Variants in ASTN2 observed in about 807,000 individuals in gnomAD.
ASTN2 encodes astrotactin-2.
ASTN2 carries 54 observed loss-of-function variants against 139.8 expected under a neutral mutation model. The ratio of observed to expected loss-of-function variants is 0.39; its 90% confidence interval spans 0.31 to 0.48. The LOEUF is 0.48. ASTN2 is among the 20% of genes least tolerant of loss of function. The pLI is 0.95. For synonymous variants in ASTN2, 756 were observed against 719.5 expected, an observed-to-expected ratio of 1.05 and a Z score of -0.81; for missense variants, 1,565 against 1,725.1, an observed-to-expected ratio of 0.91 and a Z score of 1.64.
chr9:116,954,654 C>A (rs1554764830), intron 10 of ASTN2, among the ~76,000 whole-genome samples: 1 of 129,458 alleles, frequency 7.7e-6, no homozygotes, highest in Non-Finnish European at 1.8e-5. Context: ...TCCAATAAAA[C>A]TTTATTTATT....
intron 19 of ASTN2, among the ~76,000 whole-genome samples, chr9:116,513,096 T>A (rs1850474704): frequency 6.6e-6 from 1 of 152,188 alleles, no homozygotes; most frequent in South Asian, 2.1e-4. Flanking sequence ...TTCCTAGCAT[T>A]GATGGTCTTT....
At chr9:117,038,670 T>C (rs1838464417) in intron 6 of ASTN2, among the ~76,000 whole-genome samples, 1 of 152,224 alleles carries the variant, frequency 6.6e-6, no homozygotes, top group Non-Finnish European at 1.5e-5. Flanking sequence ...TTTATTAAGT[T>C]GCACAGTTAA....
At chr9:117,167,140 G>T (rs1830687079) in intron 3 of ASTN2, among the ~76,000 whole-genome samples, 1 of 151,958 alleles carries the variant, frequency 6.6e-6, no homozygotes, top group African/African-American at 2.4e-5. Context: ...AATGGGATCT[G>T]AAAAAAACCT....
At chr9:117,410,559 T>G (rs1340449764) in intron 1 of ASTN2, among the ~76,000 whole-genome samples, 4 of 152,222 alleles carry the variant, frequency 2.6e-5, no homozygotes, top group Admixed American at 2.0e-4. Flanking sequence ...ATTGAAGCTC[T>G]GGGGGATAAA....
At chr9:117,314,022 T>C (rs1330982574) in intron 1 of ASTN2, among the ~76,000 whole-genome samples, 1 of 152,164 alleles carries the variant, frequency 6.6e-6, no homozygotes, top group Non-Finnish European at 1.5e-5. Context: ...ATGTATCTTT[T>C]CCCTAACTAA....
In ASTN2 at chr9:117,061,408, AT is replaced by A. The variant is rs907386853; in HGVS notation, c.1277-21444del. ...ATTAATGTTGCTCTTTTTTTCCTCCATTTTTTTTAATGGAAAGATATGCCTT... is the reference window on the plus strand; with the variant it reads ...ATTAATGTTGCTCTTTTTTTCCTCCATTTTTTTAATGGAAAGATATGCCTT... On this transcript the variant is annotated intron_variant, in intron 5 of 22. Coordinates refer to ENST00000313400, the MANE Select transcript of ASTN2 (RefSeq NM_001365068.1). 4.2e-3 allele frequency among the ~76,000 whole-genome samples: 635 copies of A among 151,562 alleles called. 7 individuals carry two copies. Among genetic ancestry groups the A allele is most frequent in the African/African-American group, 0.014 (591 of 41,342 alleles).
intron 10 of ASTN2, among the ~76,000 whole-genome samples, chr9:116,946,568 A>G (rs1393254576): frequency 1.3e-5 from 2 of 152,172 alleles, no homozygotes; most frequent in Non-Finnish European, 2.9e-5. Context: ...TAGAGCTGAG[A>G]TAAAGAATGA....
At position 116,884,803 on chromosome 9, in the gene ASTN2, G is replaced by GCCCTC. The variant is rs1554756734; in HGVS notation, c.1890-21071_1890-21070insGAGGG. On this transcript the variant is annotated intron_variant, in intron 10 of 22. Coordinates refer to ENST00000313400, the MANE Select transcript of ASTN2 (RefSeq NM_001365068.1). ...TGTGCATGTCAATCTCCAAATATCC[G>GCCCTC]CCCCCCCCCCACCCACTTTTTTTTT... 2.5e-3 allele frequency among the ~76,000 whole-genome samples: 175 copies of GCCCTC among 69,616 alleles called. 4 individuals are homozygous for GCCCTC. The highest frequency in any genetic ancestry group is 0.011 in the East Asian group (23 of 2,176). 45.7% of individuals were successfully genotyped at this position (69,616 alleles called of 152,430 possible). A position where few individuals can be genotyped will look rare whatever the true frequency, so the allele number is the denominator to read the frequency against.
intron 4 of ASTN2, among the ~76,000 whole-genome samples, chr9:117,136,636 A>G (rs1829957668): frequency 1.3e-5 from 2 of 152,164 alleles, no homozygotes; most frequent in Non-Finnish European, 2.9e-5. Context: ...AGGGTAGAGC[A>G]TGCATTTATC....
chr9:117,248,581 A>G (rs1310078378), intron 2 of ASTN2, among the ~76,000 whole-genome samples: 1 of 152,204 alleles, frequency 6.6e-6, no homozygotes, highest in Non-Finnish European at 1.5e-5. Flanking sequence ...GTAACTTTCC[A>G]AATGTGTGCT....
chr9:116,851,229 G>A (rs1452565443), intron 11 of ASTN2, among the ~76,000 whole-genome samples: 3 of 152,038 alleles, frequency 2.0e-5, no homozygotes, highest in Non-Finnish European at 4.4e-5. Flanking sequence ...TGGGAAAACT[G>A]TAAAAAAAAC....
At chr9:117,107,896 T>C (rs1355061839) in intron 4 of ASTN2, among the ~76,000 whole-genome samples, 1 of 152,236 alleles carries the variant, frequency 6.6e-6, no homozygotes, top group Admixed American at 6.5e-5. Context: ...TCTCAAGATG[T>C]ACTTTTTTGG....
chr9:116,962,910 T>C (rs975118539), intron 10 of ASTN2, among the ~76,000 whole-genome samples: 3 of 152,152 alleles, frequency 2.0e-5, no homozygotes, highest in Admixed American at 1.3e-4. Flanking sequence ...TATCAAAACA[T>C]CTTCGTGAAC....
At position 117,039,820 on chromosome 9, in the gene ASTN2, A is replaced by G. The variant is rs758623070; in HGVS notation, c.1422T>C (p.Asp474=). The change falls in exon 6 of 23, where the codon GAT becomes GAC. Residue 474 remains aspartate, a splice_region_variant and synonymous_variant. Coordinates refer to ENST00000313400, the MANE Select transcript of ASTN2 (RefSeq NM_001365068.1). ...GCATCTGCAATGCTCGGCTCTTACC[A>G]TCTGCTATGAAGTGCTCGGGCACAT... The part of the protein sequence containing the change: ...TLHVPEHFIA[D]GSSFVVSEGS... The G allele has an allele frequency of 6.2e-7, 1 of 1,612,820 alleles. No individual in the cohort carries two copies. Among genetic ancestry groups the G allele is most frequent in the Non-Finnish European group, 8.5e-7 (1 of 1,179,490 alleles).
chr9:117,010,619 G>A (rs1837498834), intron 6 of ASTN2, among the ~76,000 whole-genome samples: 2 of 152,134 alleles, frequency 1.3e-5, no homozygotes, highest in African/African-American at 4.8e-5. Flanking sequence ...TTCATAGCTT[G>A]ATATAAAGAT....
chr9:117,094,816 T>G (rs1828798964), intron 5 of ASTN2, among the ~76,000 whole-genome samples: 1 of 152,142 alleles, frequency 6.6e-6, no homozygotes, highest in African/African-American at 2.4e-5. Context: ...CACCATAAAT[T>G]TTTTACATAG....
intron 19 of ASTN2, among the ~76,000 whole-genome samples, chr9:116,554,210 G>C (rs190526787): frequency 6.6e-6 from 1 of 152,246 alleles, no homozygotes; most frequent in Admixed American, 6.5e-5. Flanking sequence ...ATACCACAGA[G>C]ACACAGTGTT....
chr9:117,022,852 G>A (rs929307285), intron 6 of ASTN2, among the ~76,000 whole-genome samples: 23 of 152,234 alleles, frequency 1.5e-4, no homozygotes, highest in Middle Eastern at 3.4e-3. Context: ...GAGGGGCTGC[G>A]TCTGAGATGA....
intron 4 of ASTN2, among the ~76,000 whole-genome samples, chr9:117,127,167 T>C (rs1433134925): frequency 6.6e-6 from 1 of 152,232 alleles, no homozygotes; most frequent in East Asian, 1.9e-4. Context: ...TAGTTATTGG[T>C]ATAATTACCT....
Sources: gnomAD v4.1 joint callset for allele counts (sites outside exome capture counted in the v4.1 genomes callset) on GRCh38, gnomAD v4.1.1 for gene constraint, MANE v1.5 for transcripts, NCBI Gene and HGNC (gene_info 2026-07-23, HGNC 2026-07-21) for gene names.